Variants in ADAMTSL1 observed in about 807,000 individuals in gnomAD.
ADAMTSL1 encodes ADAMTS-like protein 1.
ADAMTSL1 carries 126 observed loss-of-function variants against 201.8 expected under a neutral mutation model. The observed-to-expected ratio is 0.62, with a 90% CI of 0.54 to 0.72. The LOEUF (loss-of-function observed/expected upper bound fraction) is 0.72, where lower values mean the gene tolerates loss of function less well. Among genes scored for constraint, ADAMTSL1 ranks in the 30% least tolerant of loss-of-function variants. The pLI, the probability that ADAMTSL1 is intolerant of heterozygous loss-of-function variation, is 0.00. For missense variants in ADAMTSL1, 2,679 were observed against 2,277.8 expected (o/e 1.18, Z -3.59); for synonymous variants, 1,121 against 903.4 (o/e 1.24, Z -4.32).
At chr9:18,827,159 AGTT>A (rs1588176796) in intron 22 of ADAMTSL1, among the ~76,000 whole-genome samples, 2 of 70,078 alleles carry the variant, frequency 2.9e-5, no homozygotes, top group Admixed American at 2.6e-4. Context: ...AGGGAGATAA[AGTT>A]AAAAAAAAAA....
chr9:17,978,907 A>C (rs1319736242), intron 1 of ADAMTSL1, among the ~76,000 whole-genome samples: 1 of 151,628 alleles, frequency 6.6e-6, no homozygotes, highest in Non-Finnish European at 1.5e-5. Flanking sequence ...GAGAGTCTTT[A>C]ATTCTCCTTC....
intron 2 of ADAMTSL1, among the ~76,000 whole-genome samples, chr9:18,227,497 G>T (rs907712601): frequency 6.6e-6 from 1 of 152,138 alleles, no homozygotes; most frequent in East Asian, 1.9e-4. Flanking sequence ...CACTCAAACA[G>T]TTCTTACCTT....
intron 8 of ADAMTSL1, among the ~76,000 whole-genome samples, chr9:18,659,901 T>A (rs1251135499): frequency 7.0e-6 from 1 of 142,204 alleles, no homozygotes; most frequent in Non-Finnish European, 1.5e-5. Context: ...AAGGAAAGAA[T>A]CTAAGGTTTG....
At chr9:18,541,700 T>G (rs1403619747) in intron 3 of ADAMTSL1, among the ~76,000 whole-genome samples, 2 of 152,202 alleles carry the variant, frequency 1.3e-5, no homozygotes, top group African/African-American at 2.4e-5. Flanking sequence ...TTTATTAACC[T>G]CTCTCAGTCT....
chr9:18,388,859 C>A (rs1014597526), intron 2 of ADAMTSL1, among the ~76,000 whole-genome samples: 1 of 151,726 alleles, frequency 6.6e-6, no homozygotes, highest in African/African-American at 2.4e-5. Flanking sequence ...CAGGTTCAAG[C>A]GATTATCCTG....
At chr9:18,293,416 T>A (rs1833351115) in intron 2 of ADAMTSL1, among the ~76,000 whole-genome samples, 1 of 152,238 alleles carries the variant, frequency 6.6e-6, no homozygotes, top group Admixed American at 6.5e-5. Flanking sequence ...AACTGGAGAC[T>A]AGTTAACTTC....
chr9:18,405,539 C>T (rs1281498617), intron 2 of ADAMTSL1, among the ~76,000 whole-genome samples: 7 of 150,008 alleles, frequency 4.7e-5, no homozygotes, highest in East Asian at 2.0e-4. Flanking sequence ...CAGCAGTTGA[C>T]GTGAGAGGAG....
At chr9:18,034,195 C>A (rs2131615374) in intron 1 of ADAMTSL1, among the ~76,000 whole-genome samples, 1 of 152,238 alleles carries the variant, frequency 6.6e-6, no homozygotes, top group Non-Finnish European at 1.5e-5. Context: ...CACTTTTTCT[C>A]ACCCTTCTCA....
intron 2 of ADAMTSL1, among the ~76,000 whole-genome samples, chr9:18,525,225 G>A (rs1032211047): frequency 1.3e-5 from 2 of 152,142 alleles, no homozygotes; most frequent in African/African-American, 4.8e-5. Context: ...TACTTTATTT[G>A]CATAGAGGTG....
chr9:18,617,619 T>A (rs1889005), intron 4 of ADAMTSL1, among the ~76,000 whole-genome samples: 1 of 151,824 alleles, frequency 6.6e-6, no homozygotes, highest in East Asian at 1.9e-4. Context: ...ATAAGACAAG[T>A]GGCTGCGTAT....
Position 18,906,695 on chromosome 9 carries a change from T to C in ADAMTSL1, c.4965T>C (p.Pro1655=). The C allele has an allele frequency of 6.3e-7, 1 of 1,589,442 alleles. No individual in the cohort carries two copies. The highest frequency in any genetic ancestry group is 8.6e-7 in the Non-Finnish European group (1 of 1,166,636). ...CCCTGCCACCATCCTCCTGCAGGCC[T>C]GTGAGCACCCAGAACTGCTGGTCAG... ...PSEQCSALPR[P]VSTQNCWSEA... The change falls in exon 28 of 29, where the codon CCT becomes CCC. Residue 1655 remains proline, a synonymous_variant. Coordinates refer to ENST00000380548, the MANE Select transcript of ADAMTSL1 (RefSeq NM_001040272.6).
chr9:18,181,900 AAGAT>A lies in ADAMTSL1; in HGVS notation c.207+17923_207+17926del, dbSNP rs1206109015. On this transcript the variant is annotated intron_variant, in intron 2 of 29. Transcript: ENST00000680146. ...TTGGAGCCAACCCAAATGTCCAACAAAGATAGACTGGATTAAGAAAATGTGGCAC... is the reference window on the plus strand; with the variant it reads ...TTGGAGCCAACCCAAATGTCCAACAAAGACTGGATTAAGAAAATGTGGCAC... 4.8e-4 allele frequency among the ~76,000 whole-genome samples: 73 copies of A among 152,304 alleles called. 1 individual carries two copies. The highest frequency in any genetic ancestry group is 4.4e-5 in the Non-Finnish European group (3 of 68,036).
chr9:18,844,051 C>T (rs555222878), intron 23 of ADAMTSL1, among the ~76,000 whole-genome samples: 50 of 152,346 alleles, frequency 3.3e-4, no homozygotes, highest in South Asian at 6.2e-4. Context: ...AGTCATTCTC[C>T]GTCCAGCTTT....
At chr9:17,948,798 C>T (rs567393496) in intron 1 of ADAMTSL1, among the ~76,000 whole-genome samples, 22 of 152,276 alleles carry the variant, frequency 1.4e-4, no homozygotes, top group South Asian at 8.3e-4. Context: ...AAAATGGCAA[C>T]AATAGGACAA....
At chr9:18,047,045 C>G (rs1410465786) in intron 1 of ADAMTSL1, among the ~76,000 whole-genome samples, 3 of 151,858 alleles carry the variant, frequency 2.0e-5, no homozygotes, top group Admixed American at 6.6e-5. Flanking sequence ...TAGAAGATGA[C>G]TACATAGGAT....
chr9:18,890,725 C>T (rs1002923282), intron 25 of ADAMTSL1: 392 of 363,934 alleles, frequency 1.1e-3, no homozygotes, highest in Non-Finnish European at 1.7e-3. Context: ...TCTCAAACCC[C>T]CCCCACCCCA....
chr9:18,118,582 A>T (rs1006364085), intron 1 of ADAMTSL1, among the ~76,000 whole-genome samples: 5 of 152,124 alleles, frequency 3.3e-5, no homozygotes, highest in Non-Finnish European at 7.4e-5. Context: ...GGGGAGAGGG[A>T]GAAGACTTTG....
chr9:18,904,566 G>A (rs1469116287), intron 26 of ADAMTSL1, among the ~76,000 whole-genome samples: 4 of 139,516 alleles, frequency 2.9e-5, no homozygotes, highest in South Asian at 2.4e-4. Flanking sequence ...CCTGGGAGGT[G>A]AAGGCTGCAG....
At chr9:18,547,874 A>G (rs138444352) in intron 3 of ADAMTSL1, among the ~76,000 whole-genome samples, 19 of 152,036 alleles carry the variant, frequency 1.2e-4, no homozygotes, top group Middle Eastern at 3.4e-3. Flanking sequence ...TATGGAGATA[A>G]TCATAAAACC....
Sources: allele counts gnomAD v4.1 joint callset (sites outside exome capture counted in the v4.1 genomes callset), GRCh38; gene constraint gnomAD v4.1.1; transcripts MANE v1.5; gene names NCBI Gene and HGNC (gene_info 2026-07-23, HGNC 2026-07-21).